The following ARHGAP44 variants were observed in gnomAD, a reference collection of about 807,000 sequenced individuals.
The protein encoded by ARHGAP44 is rho GTPase-activating protein 44.
In ARHGAP44, 43 loss-of-function variants were observed where a neutral mutation model predicts 106.8. The ratio of observed to expected loss-of-function variants is 0.40; its 90% CI spans 0.32 to 0.52. ARHGAP44 has a LOEUF of 0.52. ARHGAP44 is among the 20% of genes least tolerant of loss of function. ARHGAP44 has a pLI of 0.48. For synonymous variants in ARHGAP44, 439 were observed against 410.3 expected, an observed-to-expected ratio of 1.07 and a Z score of -0.85; for missense variants, 866 against 1,050.5, an observed-to-expected ratio of 0.82 and a Z score of 2.43.
intron 7 of ARHGAP44, chr17:12,929,301 C>G (rs2038333759): frequency 3.1e-6 from 1 of 317,950 alleles, no homozygotes; most frequent in Non-Finnish European, 6.0e-6. Flanking sequence ...GAGGAATGAC[C>G]TTTATTTCTG....
intron 3 of ARHGAP44, among the ~76,000 whole-genome samples, chr17:12,904,300 G>T (rs1015350151): frequency 1.1e-4 from 17 of 152,064 alleles, no homozygotes; most frequent in Non-Finnish European, 2.5e-4. Context: ...TAGAGATGGG[G>T]CTTCACCATG....
intron 1 of ARHGAP44, among the ~76,000 whole-genome samples, chr17:12,862,902 G>T (rs1287595409): frequency 6.6e-6 from 1 of 152,032 alleles, no homozygotes; most frequent in Non-Finnish European, 1.5e-5. Context: ...TCAGAAGGCT[G>T]AGGTGGGAGA....
intron 16 of ARHGAP44, among the ~76,000 whole-genome samples, chr17:12,968,234 T>A (rs2039439946): frequency 6.6e-6 from 1 of 152,288 alleles, no homozygotes; most frequent in East Asian, 1.9e-4. Flanking sequence ...TGAATGTTTT[T>A]ATCTGTCTCC....
intron 1 of ARHGAP44, among the ~76,000 whole-genome samples, chr17:12,849,898 G>T (rs917518152): frequency 4.6e-5 from 7 of 152,040 alleles, no homozygotes; most frequent in African/African-American, 1.7e-4. Context: ...TCGAGTGAGC[G>T]ATTCTGTGAT....
intron 1 of ARHGAP44, among the ~76,000 whole-genome samples, chr17:12,816,639 T>C (rs1310548023): frequency 6.6e-6 from 1 of 152,096 alleles, no homozygotes; most frequent in Non-Finnish European, 1.5e-5. Context: ...TACAGTGGAC[T>C]TCAAGGAAAA....
intron 1 of ARHGAP44, among the ~76,000 whole-genome samples, chr17:12,878,257 A>G (rs144887521): frequency 0.017 from 2,493 of 150,046 alleles, 77 homozygotes; most frequent in African/African-American, 0.058. Flanking sequence ...TTATGAATCT[A>G]TTTTTTCATG....
At chr17:12,819,597 T>A (rs78819355) in intron 1 of ARHGAP44, among the ~76,000 whole-genome samples, 5,830 of 150,440 alleles carry the variant, frequency 0.039, 139 homozygotes, top group East Asian at 0.058. Context: ...TTTTTTTTTT[T>A]AATTTTTGCC....
chr17:12,971,199 G>A (rs953036777), intron 16 of ARHGAP44, among the ~76,000 whole-genome samples: 3 of 152,068 alleles, frequency 2.0e-5, no homozygotes, highest in Non-Finnish European at 4.4e-5. Flanking sequence ...AGCAAGTCTC[G>A]CCCAGTACCT....
intron 1 of ARHGAP44, among the ~76,000 whole-genome samples, chr17:12,832,719 T>C (rs2035124835): frequency 6.6e-6 from 1 of 152,216 alleles, no homozygotes; most frequent in African/African-American, 2.4e-5. Flanking sequence ...CAGATGTCTT[T>C]TATTGCCATA....
intron 1 of ARHGAP44, among the ~76,000 whole-genome samples, chr17:12,848,353 A>G (rs2035631092): frequency 6.6e-6 from 1 of 151,882 alleles, no homozygotes; most frequent in African/African-American, 2.4e-5. Flanking sequence ...GGGTGTAGAT[A>G]GATATTCAGA....
At chr17:12,866,589 A>C (rs1305448565) in intron 1 of ARHGAP44, among the ~76,000 whole-genome samples, 3 of 152,226 alleles carry the variant, frequency 2.0e-5, no homozygotes, top group African/African-American at 7.2e-5. Context: ...TTACCAAGAG[A>C]GAAACAGAGT....
chr17:12,908,993 G>T lies in ARHGAP44; in HGVS notation c.275+20G>T. 6.4e-7 allele frequency: 1 copy of T among 1,569,044 alleles called. No homozygotes were observed. The highest frequency in any genetic ancestry group is 8.6e-7 in the Non-Finnish European group (1 of 1,162,470). ...TCTTGGGTAAGGTGACACCTTGCGT[G>T]AGTTTGGTGCCAAATCTAAGTAAGT... On this transcript the variant is annotated intron_variant, in intron 4 of 20. Coordinates refer to ENST00000379672, the MANE Select transcript of ARHGAP44 (RefSeq NM_014859.6).
intron 1 of ARHGAP44, among the ~76,000 whole-genome samples, chr17:12,865,612 AC>A: frequency 6.6e-6 from 1 of 152,248 alleles, no homozygotes; most frequent in South Asian, 2.1e-4. Context: ...ACATGGTGAA[AC>A]CCTGTCTCTA....
intron 18 of ARHGAP44, among the ~76,000 whole-genome samples, chr17:12,977,608 C>T (rs139442266): frequency 6.6e-6 from 1 of 152,272 alleles, no homozygotes; most frequent in Non-Finnish European, 1.5e-5. Flanking sequence ...TGTCCTCAAA[C>T]GTGCCTTAAA....
chr17:12,960,212 A>AT (rs932472593), intron 16 of ARHGAP44, among the ~76,000 whole-genome samples: 7 of 152,194 alleles, frequency 4.6e-5, no homozygotes, highest in African/African-American at 1.7e-4. Context: ...AGAAAAAAAA[A>AT]GGAAATTCTT....
intron 1 of ARHGAP44, among the ~76,000 whole-genome samples, chr17:12,873,268 A>G (rs2036453890): frequency 6.6e-6 from 1 of 152,142 alleles, no homozygotes; most frequent in African/African-American, 2.4e-5. Flanking sequence ...TTGCCATTTC[A>G]GACTTTTCCC....
chr17:12,954,560 T>C (rs1299183385), intron 13 of ARHGAP44, among the ~76,000 whole-genome samples: 1 of 152,282 alleles, frequency 6.6e-6, no homozygotes, highest in Non-Finnish European at 1.5e-5. Context: ...GCTAAGTGAT[T>C]ACATGGTAGG....
intron 8 of ARHGAP44, among the ~76,000 whole-genome samples, chr17:12,942,732 A>G (rs1019791759): frequency 1.3e-5 from 2 of 152,204 alleles, no homozygotes; most frequent in African/African-American, 4.8e-5. Context: ...TGTTTTCCTT[A>G]TACATGCCCA....
At chr17:12,801,180 A>G (rs1217663369) in intron 1 of ARHGAP44, among the ~76,000 whole-genome samples, 1 of 152,252 alleles carries the variant, frequency 6.6e-6, no homozygotes, top group Non-Finnish European at 1.5e-5. Flanking sequence ...ACCTGAAAAC[A>G]TAGAGTCTGA....
Sources: allele counts gnomAD v4.1 joint callset (sites outside exome capture counted in the v4.1 genomes callset), GRCh38; gene constraint gnomAD v4.1.1; transcripts MANE v1.5; gene names NCBI Gene and HGNC (gene_info 2026-07-23, HGNC 2026-07-21).